The following TCOF1 variants were observed in gnomAD, a reference collection of about 807,000 sequenced individuals.
TCOF1 encodes the protein treacle protein.
A neutral mutation model predicts 149.0 loss-of-function variants in TCOF1; 33 were observed. The observed-to-expected ratio is 0.22, with a 90% confidence interval of 0.17 to 0.30. TCOF1 has a LOEUF of 0.30. TCOF1 is among the 10% of genes least tolerant of loss of function. The pLI is 1.00. For synonymous variants in TCOF1, 789 were observed against 738.8 expected, an observed-to-expected ratio of 1.07 and a Z score of -1.10; for missense variants, 1,728 against 1,840.7, an observed-to-expected ratio of 0.94 and a Z score of 1.12.
At chr5:150,391,164 G>A (rs746935983) in intron 19 of TCOF1, among the ~76,000 whole-genome samples, 40 of 152,140 alleles carry the variant, frequency 2.6e-4, no homozygotes, top group African/African-American at 8.9e-4. Context: ...GAGCCAGGCC[G>A]TGGCAAGAGC....
intron 17 of TCOF1, chr5:150,384,818 A>C: frequency 1.0e-6 from 1 of 985,460 alleles, no homozygotes; most frequent in Non-Finnish European, 1.2e-6. Flanking sequence ...ACTAATTATG[A>C]TTATTTTCAT....
chr5:150,383,859 C>G, intron 17 of TCOF1: 1 of 1,549,792 alleles, frequency 6.5e-7, no homozygotes, highest in Non-Finnish European at 8.7e-7. Flanking sequence ...CAGGCTACAC[C>G]TCCAAGGGTG....
chr5:150,387,820 A>C (rs1406953867), intron 17 of TCOF1, 82 bp from the exon 18 acceptor site: 4 of 1,595,536 alleles, frequency 2.5e-6, no homozygotes, highest in East Asian at 2.2e-5. Flanking sequence ...TTTGCCTTGT[A>C]AAACACTCCC....
chr5:150,384,206 C>T (rs41287128), intron 17 of TCOF1: 42 of 1,004,870 alleles, frequency 4.2e-5, no homozygotes, highest in Non-Finnish European at 4.9e-5. Context: ...CACTGCCTCT[C>T]ACTTTCCAAT....
At chr5:150,364,609 C>T (rs916798535) in intron 3 of TCOF1, among the ~76,000 whole-genome samples, 2 of 152,212 alleles carry the variant, frequency 1.3e-5, no homozygotes, top group East Asian at 1.9e-4. Flanking sequence ...AGCTAGCGGA[C>T]ACATTTTCTG....
chr5:150,392,292 G>A (rs1767604853), intron 21 of TCOF1, 116 bp downstream of exon 21: 2 of 1,072,358 alleles, frequency 1.9e-6, no homozygotes, highest in Non-Finnish European at 2.7e-6. Context: ...ACCTGTGGCT[G>A]AGCCTGGGCC....
intron 1 of TCOF1, among the ~76,000 whole-genome samples, chr5:150,358,471 ACT>A (rs1319152552): frequency 6.6e-6 from 1 of 152,002 alleles, no homozygotes; most frequent in Non-Finnish European, 1.5e-5. Flanking sequence ...TGGAGCTTAC[ACT>A]CTAGTAAGGT....
At chr5:150,379,799 T>C (rs1764661175) in intron 17 of TCOF1, 67 bp downstream of exon 17, 2 of 1,566,116 alleles carry the variant, frequency 1.3e-6, no homozygotes, top group African/African-American at 2.7e-5. Flanking sequence ...GGGCTGGGCG[T>C]GGTGGCTCAC....
At chr5:150,387,155 A>C (rs1766457913) in intron 17 of TCOF1, among the ~76,000 whole-genome samples, 1 of 152,188 alleles carries the variant, frequency 6.6e-6, no homozygotes, top group Non-Finnish European at 1.5e-5. Flanking sequence ...TTTTAAGCAC[A>C]ACTACGATAC....
In TCOF1 at chr5:150,375,692, C is replaced by G. The variant is rs375889844; in HGVS notation, c.1705-29C>G. ...TCTGCACACACCTACCCTGGGCTCC[C>G]TCTCCCGATCCTGTGTATCTCACTC... On this transcript the variant is annotated intron_variant, in intron 11 of 26. Transcript: ENST00000643257. 27 of 1,614,090 alleles carry G rather than the reference C, an allele frequency of 1.7e-5. No homozygotes were observed. In the African/African-American group the frequency reaches 3.6e-4, roughly 22 times the overall value.
chr5:150,399,543 C>G (rs550623992), intron 26 of TCOF1, among the ~76,000 whole-genome samples: 1 of 152,182 alleles, frequency 6.6e-6, no homozygotes, highest in Non-Finnish European at 1.5e-5. Context: ...CAGTTAGCTG[C>G]TCCACCTGGC....
intron 24 of TCOF1, among the ~76,000 whole-genome samples, chr5:150,397,955 C>G (rs974147977): frequency 1.3e-5 from 2 of 152,162 alleles, no homozygotes; most frequent in Non-Finnish European, 2.9e-5. Flanking sequence ...CAGGGTCTTG[C>G]TCTGTCACCC....
rs1185504001 is a variant in TCOF1, at chr5:150,374,230, G to T, written c.927G>T (p.Gly309=). ...QVRAASAPAK[G]TPGKGATPAP... ...GAGCTGCCTCAGCCCCTGCCAAGGG[G>T]ACCCCTGGGAAAGGGGCTACCCCAG... The change falls in exon 8 of 27, where the codon GGG becomes GGT. Residue 309 remains glycine, a synonymous_variant. Transcript: ENST00000643257. The T allele has an allele frequency of 1.2e-6, 2 of 1,612,264 alleles. No homozygotes were observed. Among genetic ancestry groups the T allele is most frequent in the African/African-American group, 2.7e-5 (2 of 74,824 alleles).
Position 150,372,067 on chromosome 5 carries a change from C to G in TCOF1, c.701C>G (p.Pro234Arg), listed in dbSNP as rs200344000. 1.9e-5 allele frequency: 30 copies of G among 1,614,110 alleles called. No individual in the cohort carries two copies. The African/African-American group carries it at 3.7e-4, about 20-fold the overall frequency. The change falls in exon 7 of 27, where the codon CCA becomes CGA. Residue 234 changes from proline to arginine, a missense_variant. Coordinates refer to ENST00000643257, the MANE Select transcript of TCOF1 (RefSeq NM_001371623.1). ...TCATCAGTTTCTACTAAGGAGTCTCCAGCAAGAAAGGCGGCCCCAGCCCCT... is the reference window on the plus strand; with the variant it reads ...TCATCAGTTTCTACTAAGGAGTCTCGAGCAAGAAAGGCGGCCCCAGCCCCT... The part of the protein sequence containing the change: ...KASSVSTKES[P>R]ARKAAPAPGK...
chr5:150,386,241 T>C (rs759342046), intron 17 of TCOF1, among the ~76,000 whole-genome samples: 6 of 152,228 alleles, frequency 3.9e-5, no homozygotes, highest in Non-Finnish European at 8.8e-5. Context: ...CTTTTGCTGC[T>C]GAGCTGCTTT....
chr5:150,374,079 T>C lies in TCOF1; in HGVS notation c.871-95T>C, dbSNP rs1763142646. ...GTGGGGAGGGAAGCAGGGGAGGTCTTAGGAGCCTCATTAAGGCCTCTGGAC... is the reference window on the plus strand; with the variant it reads ...GTGGGGAGGGAAGCAGGGGAGGTCTCAGGAGCCTCATTAAGGCCTCTGGAC... On this transcript the variant is annotated intron_variant, in intron 7 of 26. Coordinates refer to ENST00000643257, the MANE Select transcript of TCOF1 (RefSeq NM_001371623.1). 19 of 1,376,100 alleles carry C rather than the reference T, an allele frequency of 1.4e-5. 1 individual carries two copies. The South Asian group carries it at 2.4e-4, about 17-fold the overall frequency. The allele number at this position is 1,376,100 out of a possible 1,614,324, so 85.2% of individuals were successfully genotyped here. A position where few individuals can be genotyped will look rare whatever the true frequency, so the allele number is the denominator to read the frequency against.
At chr5:150,391,710 C>T (rs1767482566) in intron 20 of TCOF1, 53 bp downstream of exon 20, 20 of 1,513,462 alleles carry the variant, frequency 1.3e-5, no homozygotes, top group Middle Eastern at 1.9e-4. Flanking sequence ...AAGGTGCAGG[C>T]GTGGCCCTGC....
intron 26 of TCOF1, 37 bp from the exon 27 acceptor site, chr5:150,399,773 A>C (rs1769403472): frequency 6.5e-6 from 1 of 153,982 alleles, no homozygotes; most frequent in Admixed American, 6.4e-5. Flanking sequence ...GAAAAGGGTC[A>C]GGAAATTTGA....
Position 150,367,868 on chromosome 5 carries a change from C to T in TCOF1, c.329C>T (p.Ser110Phe). 1.2e-6 allele frequency: 2 copies of T among 1,614,220 alleles called. No homozygotes were observed. The highest frequency in any genetic ancestry group is 1.7e-6 in the Non-Finnish European group (2 of 1,180,038). The change falls in exon 4 of 27, where the codon TCC (serine) becomes TTC (phenylalanine). Residue 110 changes from serine (S) to phenylalanine (F), a missense_variant. Physicochemically the swap from Ser to Phe is radical, Grantham distance 155. Around this residue, in one of 2 missense-constraint regions of TCOF1, gnomAD observed 1,696 missense variants for 1,765.4 expected, o/e 0.96. Coordinates refer to ENST00000643257, the MANE Select transcript of TCOF1 (RefSeq NM_001371623.1). ...KATPRLASTN[S>F]SVLGADLPSS... ...GCCCCAAGACTAGCATCTACCAACT[C>T]CTCAGTCCTGGGGGCGGACTTGCCA...
Sources: gnomAD v4.1 joint callset for allele counts (sites outside exome capture counted in the v4.1 genomes callset) on GRCh38, gnomAD v4.1.1 for gene constraint, gnomAD v4.1.1 regional missense constraint, MANE v1.5 for transcripts, NCBI Gene and HGNC (gene_info 2026-07-23, HGNC 2026-07-21) for gene names.